Variants in NECTIN2 observed in about 807,000 individuals in gnomAD.
NECTIN2 encodes the protein nectin-2.
Under a neutral mutation model 56.9 loss-of-function variants are expected in NECTIN2, and 23 were observed. The observed-to-expected ratio is 0.40, with a 90% CI of 0.29 to 0.57. NECTIN2 has a LOEUF of 0.57. Ranked by LOEUF, NECTIN2 falls within the 20% of genes least tolerant of loss-of-function variation. The pLI is 0.38. For synonymous variants in NECTIN2, 302 were observed against 313.8 expected, an observed-to-expected ratio of 0.96 and a Z score of 0.40; for missense variants, 587 against 718.3, an observed-to-expected ratio of 0.82 and a Z score of 2.09.
intron 3 of NECTIN2, among the ~76,000 whole-genome samples, 171 bp from the exon 4 acceptor site, chr19:44,873,745 C>A (rs1226430296): frequency 6.6e-6 from 1 of 152,186 alleles, no homozygotes; most frequent in African/African-American, 2.4e-5. Context: ...TGAACAGTGT[C>A]TACACTGACA....
intron 8 of NECTIN2, 41 bp downstream of exon 8, chr19:44,886,260 G>A (rs1969360549): frequency 6.5e-7 from 1 of 1,528,412 alleles, no homozygotes; most frequent in Non-Finnish European, 9.0e-7. Context: ...TGGGGGTCTG[G>A]GTTGAAGGGC....
intron 5 of NECTIN2, among the ~76,000 whole-genome samples, chr19:44,880,590 C>CAGGAG (rs1969297609): frequency 7.2e-6 from 1 of 138,772 alleles, no homozygotes; most frequent in Non-Finnish European, 1.5e-5. Flanking sequence ...CAAGTTCAAG[C>CAGGAG]AATTCTCCTG....
chr19:44,885,231 G>C (rs1023595747), intron 6 of NECTIN2, among the ~76,000 whole-genome samples: 2 of 151,628 alleles, frequency 1.3e-5, no homozygotes, highest in Non-Finnish European at 2.9e-5. Context: ...CCTGACCTCA[G>C]GTGATCTGCC....
chr19:44,876,388 G>C (rs916120238), intron 5 of NECTIN2, among the ~76,000 whole-genome samples: 1 of 152,114 alleles, frequency 6.6e-6, no homozygotes. Flanking sequence ...AGACGCAATA[G>C]AGAAAGACTC....
intron 1 of NECTIN2, among the ~76,000 whole-genome samples, chr19:44,862,603 A>G (rs1209994635): frequency 2.0e-5 from 3 of 152,328 alleles, no homozygotes; most frequent in South Asian, 2.1e-4. Context: ...TAGAAAGTCA[A>G]ATACCACATG....
chr19:44,873,970 C>T lies in NECTIN2; in HGVS notation c.830C>T (p.Thr277Ile), dbSNP rs1265193837. The T allele has an allele frequency of 1.9e-6, 3 of 1,614,010 alleles. No individual in the cohort carries two copies. In the South Asian group the frequency reaches 3.3e-5, roughly 18 times the overall value. Residue 277 changes from threonine (T) to isoleucine (I), a missense_variant, in exon 4 of 9, where the codon ACT becomes ATT. By Grantham distance (89) the Thr-to-Ile change is moderately conservative (BLOSUM62 -1). Transcript: ENST00000252483. ...GYDDNWYLGR[T>I]DATLSCDVRS... ...GATGACAACTGGTACCTCGGCCGTA[C>T]TGATGCCACCCTGAGCTGTGACGTC...
intron 1 of NECTIN2, among the ~76,000 whole-genome samples, chr19:44,856,965 C>T (rs1195185792): frequency 2.6e-5 from 4 of 152,196 alleles, no homozygotes; most frequent in Non-Finnish European, 4.4e-5. Flanking sequence ...GGCCACGCCC[C>T]GTGAACATCC....
chr19:44,875,836 T>C lies in NECTIN2; in HGVS notation c.1042+1358T>C, dbSNP rs192281739. 1.6e-4 allele frequency among the ~76,000 whole-genome samples: 24 copies of C among 152,224 alleles called. No individual in the cohort carries two copies. In the East Asian group the frequency reaches 3.1e-3, roughly 20 times the overall value. ...AGGAATCCAGATACAGCCAGGGAGA[T>C]AGGACACCCCTACGGGAAACACTGT... On this transcript the variant is annotated intron_variant, in intron 5 of 8. Coordinates refer to ENST00000252483, the MANE Select transcript of NECTIN2 (RefSeq NM_001042724.2). This position sits in a 1 kb window ranked among gnomAD's most constrained non-coding sequence, Gnocchi z 4.2.
Position 44,875,557 on chromosome 19 carries a change from C to T in NECTIN2, c.1042+1079C>T, listed in dbSNP as rs890601160. On this transcript the variant is annotated intron_variant, in intron 5 of 8. Transcript: ENST00000252483. This position sits in a 1 kb window ranked among gnomAD's most constrained non-coding sequence, Gnocchi z 4.2. ...CTGGGATTATATGCATGAGCCACTG[C>T]GCCTGGCCAGAAAAAGACATTCTTA... 3.7e-4 allele frequency among the ~76,000 whole-genome samples: 56 copies of T among 152,322 alleles called. No homozygotes were observed. Among genetic ancestry groups the T allele is most frequent in the African/African-American group, 1.3e-3 (52 of 41,574 alleles).
At position 44,874,204 on chromosome 19, in the gene NECTIN2, A is replaced by G. The variant is rs1243823659; in HGVS notation, c.894-126A>G. ...GATGAAGGGAGCTTGCATTTTGGCAATTTGGGGTCTCCGGGAGTACTTAGG... is the reference window on the plus strand; with the variant it reads ...GATGAAGGGAGCTTGCATTTTGGCAGTTTGGGGTCTCCGGGAGTACTTAGG... On this transcript the variant is annotated intron_variant, in intron 4 of 8. Transcript: ENST00000252483. The surrounding 1 kb of genome is among the most constrained non-coding windows in gnomAD (Gnocchi z 6.3). 4.5e-6 allele frequency: 6 copies of G among 1,345,438 alleles called. No individual in the cohort carries two copies. The highest frequency in any genetic ancestry group is 4.4e-5 in the African/African-American group (3 of 68,574). 83.3% of individuals were successfully genotyped at this position (1,345,438 alleles called of 1,614,324 possible).
At chr19:44,857,332 C>T (rs1032188001) in intron 1 of NECTIN2, among the ~76,000 whole-genome samples, 1 of 150,690 alleles carries the variant, frequency 6.6e-6, no homozygotes, top group Admixed American at 6.6e-5. Context: ...TTCTCGGGCT[C>T]CTGGCCTTGA....
At chr19:44,867,911 G>A (rs4803766) in intron 2 of NECTIN2, among the ~76,000 whole-genome samples, 67,054 of 151,760 alleles carry the variant, frequency 0.44, 15,097 homozygotes, top group Admixed American at 0.55. Flanking sequence ...GGAGTGGACG[G>A]AGGTAGAAGG....
At chr19:44,863,060 G>C (rs1409485556) in intron 1 of NECTIN2, among the ~76,000 whole-genome samples, 1 of 151,876 alleles carries the variant, frequency 6.6e-6, no homozygotes, top group Admixed American at 6.6e-5. Context: ...TACTCGGGAG[G>C]CTGAGGCAGG....
Position 44,874,203 on chromosome 19 carries a change from A to C in NECTIN2, c.894-127A>C. 7.5e-7 allele frequency: 1 copy of C among 1,339,636 alleles called. No homozygotes were observed. The highest frequency in any genetic ancestry group is 1.0e-6 in the Non-Finnish European group (1 of 962,448). 83.0% of individuals were successfully genotyped at this position (1,339,636 alleles called of 1,614,324 possible). The stretch of plus-strand genomic sequence containing the variant: ...GGATGAAGGGAGCTTGCATTTTGGC[A>C]ATTTGGGGTCTCCGGGAGTACTTAG... On this transcript the variant is annotated intron_variant, in intron 4 of 8. Coordinates refer to ENST00000252483, the MANE Select transcript of NECTIN2 (RefSeq NM_001042724.2). This position sits in a 1 kb window ranked among gnomAD's most constrained non-coding sequence, Gnocchi z 6.3.
chr19:44,848,708 C>T (rs915238876), intron 1 of NECTIN2, among the ~76,000 whole-genome samples: 10 of 150,206 alleles, frequency 6.7e-5, no homozygotes, highest in African/African-American at 2.4e-4. Flanking sequence ...TTTCCTCCTT[C>T]CCTCACTTTC....
chr19:44,852,089 C>T lies in NECTIN2; in HGVS notation c.88+5476C>T, dbSNP rs553049644. ...CGGCGCCTCCCCCCGAGACCCCTGC[C>T]CCACTGAGGGCTCTTTCTTTTTTCT... is the stretch of plus-strand genomic sequence containing the variant. On this transcript the variant is annotated intron_variant, in intron 1 of 8. Transcript: ENST00000252483. Among the ~76,000 whole-genome samples the T allele has an allele frequency of 2.8e-3, 423 of 152,202 alleles. 3 individuals carry two copies. Among genetic ancestry groups the T allele is most frequent in the Non-Finnish European group, 4.8e-3 (324 of 68,004 alleles).
intron 1 of NECTIN2, among the ~76,000 whole-genome samples, chr19:44,859,182 G>A (rs1463326422): frequency 6.6e-6 from 1 of 152,298 alleles, no homozygotes; most frequent in Middle Eastern, 3.4e-3. Context: ...CCCTCGAAAT[G>A]AGGCTTGTGC....
Position 44,851,139 on chromosome 19 carries a change from A to C in NECTIN2, c.88+4526A>C, listed in dbSNP as rs1968894630. On this transcript the variant is annotated intron_variant, in intron 1 of 8. Coordinates refer to ENST00000252483, the MANE Select transcript of NECTIN2 (RefSeq NM_001042724.2). Reference sequence around the variant, plus strand: ...CCAGGAGTCCAGGCCCCCATCCCTAATCCCTCAGACCTGGGAGTTCAGGCC... The same window carrying C: ...CCAGGAGTCCAGGCCCCCATCCCTACTCCCTCAGACCTGGGAGTTCAGGCC... Among the ~76,000 whole-genome samples the C allele has an allele frequency of 3.2e-5, 3 of 93,654 alleles. No homozygotes were observed. In the Admixed American group the frequency reaches 3.4e-4, roughly 11 times the overall value. 61.4% of individuals were successfully genotyped at this position (93,654 alleles called of 152,430 possible). A position where few individuals can be genotyped will look rare whatever the true frequency, so the allele number is the denominator to read the frequency against.
chr19:44,874,482 A>T lies in NECTIN2; in HGVS notation c.1042+4A>T, dbSNP rs1467055614. The T allele has an allele frequency of 6.2e-7, 1 of 1,612,866 alleles. No individual in the cohort carries two copies. Among genetic ancestry groups the T allele is most frequent in the Non-Finnish European group, 8.5e-7 (1 of 1,179,994 alleles). On this transcript the variant is annotated splice_donor_region_variant and intron_variant, in intron 5 of 8. Coordinates refer to ENST00000252483, the MANE Select transcript of NECTIN2 (RefSeq NM_001042724.2). This position sits in a 1 kb window ranked among gnomAD's most constrained non-coding sequence, Gnocchi z 6.3. Reference sequence around the variant, plus strand: ...GAGCAGGTCATCTTTGTCCGAGGTGAGTGGGTCTTGGGGGCCGTGTGTGGA... The same window carrying T: ...GAGCAGGTCATCTTTGTCCGAGGTGTGTGGGTCTTGGGGGCCGTGTGTGGA...
Sources: gnomAD v4.1 joint callset for allele counts (sites outside exome capture counted in the v4.1 genomes callset) on GRCh38, gnomAD v4.1.1 for gene constraint, Gnocchi (gnomAD v3.1) non-coding constraint, MANE v1.5 for transcripts, NCBI Gene and HGNC (gene_info 2026-07-23, HGNC 2026-07-21) for gene names.